The following PBX3 variants were observed in gnomAD, a reference collection of about 807,000 sequenced individuals.
PBX3 encodes PBX homeobox 3.
Under a neutral mutation model 48.5 loss-of-function variants are expected in PBX3, and 14 were observed. The observed-to-expected ratio is 0.29, with a 90% confidence interval of 0.19 to 0.45. The LOEUF is 0.45. PBX3 is among the 20% of genes least tolerant of loss of function. PBX3 has a pLI of 1.00. For synonymous variants in PBX3, 210 were observed against 200.3 expected (o/e 1.05, Z -0.41); for missense variants, 386 against 546.7 (o/e 0.71, Z 2.93).
intron 5 of PBX3, among the ~76,000 whole-genome samples, chr9:125,942,313 T>A (rs1841973813): frequency 6.6e-6 from 1 of 152,186 alleles, no homozygotes; most frequent in South Asian, 2.1e-4. Flanking sequence ...GAGTGCTGGT[T>A]TGTGAGGCAC....
chr9:125,799,093 C>T (rs1837865861), intron 2 of PBX3, among the ~76,000 whole-genome samples: 1 of 152,166 alleles, frequency 6.6e-6, no homozygotes, highest in Non-Finnish European at 1.5e-5. Context: ...TTTATTACAT[C>T]TCCATTCTGA....
intron 5 of PBX3, among the ~76,000 whole-genome samples, chr9:125,939,939 C>CTCACGCCTGT (rs1367714915): frequency 6.6e-6 from 1 of 152,160 alleles, no homozygotes; most frequent in Non-Finnish European, 1.5e-5. Context: ...GGTGTGGTGG[C>CTCACGCCTGT]TCACGCCTGT....
At chr9:125,863,232 G>A (rs1226656459) in intron 2 of PBX3, among the ~76,000 whole-genome samples, 5 of 145,538 alleles carry the variant, frequency 3.4e-5, no homozygotes, top group East Asian at 2.0e-4. Flanking sequence ...TTTTTGAGAC[G>A]GAGTCTCTGT....
Position 125,754,585 on chromosome 9 carries a change from A to G in PBX3, c.274+5962A>G, listed in dbSNP as rs181463888. ...AAATAAACCACCTTTTTATGCCTTC[A>G]AACTCAGAACATATTAAAAAATAAA... On this transcript the variant is annotated intron_variant, in intron 2 of 8. Transcript: ENST00000373489. Among the ~76,000 whole-genome samples the G allele has an allele frequency of 1.9e-4, 22 of 113,256 alleles. No homozygotes were observed. In the East Asian group the frequency reaches 6.1e-3, roughly 32 times the overall value. The allele number at this position is 113,256 out of a possible 152,430, so 74.3% of individuals were successfully genotyped here.
intron 2 of PBX3, among the ~76,000 whole-genome samples, chr9:125,826,541 A>G (rs1838813333): frequency 1.3e-5 from 2 of 152,194 alleles, no homozygotes; most frequent in Admixed American, 1.3e-4. Flanking sequence ...TAATGTCACT[A>G]CTAAGTATTT....
intron 2 of PBX3, among the ~76,000 whole-genome samples, chr9:125,795,442 C>A (rs10986922): frequency 0.02 from 3,067 of 152,182 alleles, 174 homozygotes; most frequent in East Asian, 0.17. Flanking sequence ...ATATTATATT[C>A]TTTGTGATGA....
intron 2 of PBX3, among the ~76,000 whole-genome samples, chr9:125,880,475 A>G (rs1840357166): frequency 6.6e-6 from 1 of 152,186 alleles, no homozygotes; most frequent in Non-Finnish European, 1.5e-5. Flanking sequence ...TTTCAATATT[A>G]ATTATCTGAC....
At chr9:125,835,039 A>C (rs1256616208) in intron 2 of PBX3, among the ~76,000 whole-genome samples, 13 of 143,244 alleles carry the variant, frequency 9.1e-5, no homozygotes, top group East Asian at 8.9e-4. Context: ...AAAAAAAAAA[A>C]AAAAAAAAAA....
intron 2 of PBX3, among the ~76,000 whole-genome samples, chr9:125,865,537 T>A (rs1256643050): frequency 6.6e-6 from 1 of 152,254 alleles, no homozygotes; most frequent in Non-Finnish European, 1.5e-5. Context: ...TTATTATTAC[T>A]ATGTTTTAAC....
intron 8 of PBX3, among the ~76,000 whole-genome samples, chr9:125,964,909 G>T (rs769413227): frequency 1.2e-4 from 18 of 152,178 alleles, no homozygotes; most frequent in Non-Finnish European, 1.5e-4. Flanking sequence ...GGTGTAGGAG[G>T]TCCGGGTCTG....
At chr9:125,957,973 CATG>C (rs2118800272) in intron 5 of PBX3, among the ~76,000 whole-genome samples, 1 of 152,328 alleles carries the variant, frequency 6.6e-6, no homozygotes, top group South Asian at 2.1e-4. Context: ...CATTGGGAAA[CATG>C]AGGTAAGGTC....
Position 125,960,770 on chromosome 9 carries a change from G to A in PBX3, c.930G>A (p.Lys310=), listed in dbSNP as rs778498325. The A allele has an allele frequency of 6.2e-7, 1 of 1,614,222 alleles. No homozygotes were observed. Among genetic ancestry groups the A allele is most frequent in the East Asian group, 2.2e-5 (1 of 44,890 alleles). ...FQEEANLYAA[K]TAVTAAHAVA... is the part of the protein sequence containing the mutation. The stretch of plus-strand genomic sequence containing the variant: ...AAGAAGCCAACCTCTATGCTGCAAA[G>A]ACGGCCGTGACAGCTGCACACGCAG... Residue 310 remains lysine, a synonymous_variant, in exon 6 of 9, where the codon AAG becomes AAA. Coordinates refer to ENST00000373489, the MANE Select transcript of PBX3 (RefSeq NM_006195.6).
At chr9:125,885,769 T>G (rs1840484793) in intron 2 of PBX3, among the ~76,000 whole-genome samples, 1 of 151,374 alleles carries the variant, frequency 6.6e-6, no homozygotes, top group Non-Finnish European at 1.5e-5. Context: ...TAGGCTGTTT[T>G]GGTTATTGAA....
chr9:125,791,799 GGTGGCA>G (rs1462983023), intron 2 of PBX3, among the ~76,000 whole-genome samples: 1 of 152,046 alleles, frequency 6.6e-6, no homozygotes, highest in Non-Finnish European at 1.5e-5. Context: ...AGCCGGGCGT[GGTGGCA>G]GGCGCCTGTA....
intron 2 of PBX3, among the ~76,000 whole-genome samples, chr9:125,777,693 C>T (rs993978079): frequency 2.6e-5 from 4 of 152,058 alleles, no homozygotes; most frequent in Admixed American, 1.3e-4. Context: ...TAGTAGAATT[C>T]ATCAGAAAAG....
intron 2 of PBX3, among the ~76,000 whole-genome samples, chr9:125,783,098 T>A (rs1406140551): frequency 6.6e-6 from 1 of 152,360 alleles, no homozygotes; most frequent in East Asian, 1.9e-4. Context: ...TATCAAATTT[T>A]GGAAGCTTTC....
intron 2 of PBX3, among the ~76,000 whole-genome samples, chr9:125,852,063 GA>G (rs954232994): frequency 1.3e-5 from 2 of 151,920 alleles, no homozygotes; most frequent in African/African-American, 2.4e-5. Context: ...AAAAAGAGCA[GA>G]AAAAAAGGGA....
At chr9:125,757,110 G>T (rs539169824) in intron 2 of PBX3, among the ~76,000 whole-genome samples, 3 of 152,084 alleles carry the variant, frequency 2.0e-5, no homozygotes, top group Non-Finnish European at 4.4e-5. Flanking sequence ...TTCTTGAATG[G>T]CATTTGATGG....
At chr9:125,956,479 C>T (rs943858035) in intron 5 of PBX3, among the ~76,000 whole-genome samples, 3 of 152,120 alleles carry the variant, frequency 2.0e-5, no homozygotes, top group Non-Finnish European at 4.4e-5. Flanking sequence ...AGCTGAATTG[C>T]GTGGGGGAAA....
Sources: gnomAD v4.1 joint callset for allele counts (sites outside exome capture counted in the v4.1 genomes callset) on GRCh38, gnomAD v4.1.1 for gene constraint, MANE v1.5 for transcripts, NCBI Gene and HGNC (gene_info 2026-07-23, HGNC 2026-07-21) for gene names.